The following POPDC2 variants were observed in gnomAD, a reference collection of about 807,000 sequenced individuals.
The protein encoded by POPDC2 is popeye domain-containing protein 2.
In POPDC2, 24 loss-of-function variants were observed where a neutral mutation model predicts 30.5. The ratio of observed to expected loss-of-function variants is 0.79; its 90% CI spans 0.57 to 1.11. The LOEUF (loss-of-function observed/expected upper bound fraction) is 1.11, where lower values mean the gene tolerates loss of function less well. Among genes scored for constraint, POPDC2 ranks in the 50% least tolerant of loss-of-function variants. The pLI, the probability that POPDC2 is intolerant of heterozygous loss-of-function variation, is 0.00. For synonymous variants in POPDC2, 185 were observed against 183.3 expected, an observed-to-expected ratio of 1.01 and a Z score of -0.07; for missense variants, 409 against 447.0, an observed-to-expected ratio of 0.91 and a Z score of 0.77.
chr3:119,654,202 A>G (rs1229944718), intron 2 of POPDC2, among the ~76,000 whole-genome samples: 1 of 152,110 alleles, frequency 6.6e-6, no homozygotes, highest in Non-Finnish European at 1.5e-5. Flanking sequence ...GCGACTAGAG[A>G]GCACTAAAAG....
chr3:119,658,802 C>T (rs1025580462), intron 1 of POPDC2, among the ~76,000 whole-genome samples: 10 of 152,006 alleles, frequency 6.6e-5, no homozygotes, highest in Admixed American at 1.3e-4. Context: ...ACTTCAGGTT[C>T]TATAAATGAA....
intron 2 of POPDC2, among the ~76,000 whole-genome samples, chr3:119,650,551 C>T (rs2052795972): frequency 6.6e-6 from 1 of 152,198 alleles, no homozygotes; most frequent in Admixed American, 6.5e-5. Context: ...ATATCTTCTT[C>T]ACTTGGTTCC....
Position 119,648,305 on chromosome 3 carries a change from G to A in POPDC2, c.964C>T (p.Pro322Ser), listed in dbSNP as rs761811299. 1 of 1,614,198 alleles carries A rather than the reference G, an allele frequency of 6.2e-7. No homozygotes were observed. The highest frequency in any genetic ancestry group is 1.7e-5 in the Admixed American group (1 of 60,024). ...TPPATTNFPA[P>S]PTRARLSRPD... ...CTGGACAACCTGGCCCGGGTAGGAG[G>A]TGCAGGAAAGTTGGTGGTAGCTGGA... The change falls in exon 3 of 4, where the codon CCT (proline) becomes TCT (serine). Residue 322 changes from proline to serine, a missense_variant. By Grantham distance (74) the Pro-to-Ser change is moderately conservative. Coordinates refer to ENST00000493094, the MANE Select transcript of POPDC2 (RefSeq NM_001369919.2).
At chr3:119,645,102 T>C (rs773092686) in intron 3 of POPDC2, among the ~76,000 whole-genome samples, 8 of 152,222 alleles carry the variant, frequency 5.3e-5, no homozygotes, top group Non-Finnish European at 1.0e-4. Flanking sequence ...GAAAAACTAT[T>C]CTCCCTATAT....
rs764063000 is a variant in POPDC2 at position 119,648,179 on chromosome 3, C to T, written c.1090G>A (p.Gly364Arg). 13 of 1,538,538 alleles carry T rather than the reference C, an allele frequency of 8.4e-6. No individual in the cohort carries two copies. Among genetic ancestry groups the T allele is most frequent in the Non-Finnish European group, 9.7e-6 (11 of 1,139,506 alleles). Residue 364 changes from glycine (G) to arginine (R), a missense_variant, in exon 3 of 4, where the codon GGG (glycine) becomes AGG (arginine). Physicochemically the swap from Gly to Arg is moderately radical, Grantham distance 125. Transcript: ENST00000493094. ...TTCTCCCTTCACCTCATGTACTCCC[C>T]ATCACTCCTATAATCCATAAACGAT... is the stretch of plus-strand genomic sequence containing the variant. ...SESFMDYRSD[G>R]EYMR is the part of the protein sequence containing the mutation.
chr3:119,660,643 T>C (rs950323568), upstream of POPDC2: 3 of 290,382 alleles, frequency 1.0e-5, no homozygotes, highest in Non-Finnish European at 1.2e-5. Context: ...TCTCTCTCTC[T>C]CTCTCCCCCT....
rs756624026 is a variant in POPDC2, at chr3:119,648,567, C to A, written c.702G>T (p.Ser234=). The part of the protein sequence containing the change: ...TKERYISCLF[S]ALLGYDISEK... ...CTGAGATGTCATATCCCAGCAGAGC[C>A]GAGAAGAGGCAGGAGATGTATCGCT... The change falls in exon 3 of 4, where the codon TCG becomes TCT. Residue 234 remains serine, a synonymous_variant. Coordinates refer to ENST00000493094, the MANE Select transcript of POPDC2 (RefSeq NM_001369919.2). The A allele has an allele frequency of 5.6e-6, 9 of 1,613,974 alleles. No homozygotes were observed. Among genetic ancestry groups the A allele is most frequent in the Non-Finnish European group, 7.6e-6 (9 of 1,179,994 alleles).
chr3:119,648,428 C>T lies in POPDC2; in HGVS notation c.841G>A (p.Glu281Lys), dbSNP rs772850930. 6.2e-7 allele frequency: 1 copy of T among 1,614,170 alleles called. No individual in the cohort carries two copies. Among genetic ancestry groups the T allele is most frequent in the East Asian group, 2.2e-5 (1 of 44,876 alleles). ...LGPTAADAGP[E>K]SEKGDEEVCE... The stretch of plus-strand genomic sequence containing the variant: ...ACTTCCTCATCACCCTTCTCGGACT[C>T]TGGTCCAGCATCTGCAGCAGTGGGA... The change falls in exon 3 of 4, where the codon GAG becomes AAG. Residue 281 changes from glutamate to lysine, a missense_variant. By Grantham distance (56) the Glu-to-Lys change is moderately conservative. Transcript: ENST00000493094.
At chr3:119,653,144 C>A (rs2052834884) in intron 2 of POPDC2, among the ~76,000 whole-genome samples, 1 of 152,142 alleles carries the variant, frequency 6.6e-6, no homozygotes, top group African/African-American at 2.4e-5. Flanking sequence ...TAGATCCAGG[C>A]AACTTGGCTT....
At chr3:119,652,279 T>C (rs1033542439) in intron 2 of POPDC2, among the ~76,000 whole-genome samples, 1 of 152,210 alleles carries the variant, frequency 6.6e-6, no homozygotes, top group African/African-American at 2.4e-5. Context: ...TGTGCTGGAA[T>C]GCTGATTGAT....
chr3:119,650,192 T>C (rs537518628), intron 2 of POPDC2, among the ~76,000 whole-genome samples: 2 of 152,236 alleles, frequency 1.3e-5, no homozygotes, highest in Admixed American at 6.5e-5. Flanking sequence ...AAATAATGTC[T>C]TAAAGCCAAA....
chr3:119,647,238 C>T (rs1482581956), intron 3 of POPDC2, among the ~76,000 whole-genome samples: 1 of 152,174 alleles, frequency 6.6e-6, no homozygotes, highest in Admixed American at 6.5e-5. Flanking sequence ...GAGGCGCCTT[C>T]CAAATTGGGA....
chr3:119,647,391 C>T (rs1318052076), intron 3 of POPDC2, among the ~76,000 whole-genome samples: 1 of 152,224 alleles, frequency 6.6e-6, no homozygotes, highest in African/African-American at 2.4e-5. Flanking sequence ...TTCTTGTAGA[C>T]TCTCTGGGAG....
At chr3:119,659,902 G>A in intron 1 of POPDC2, 31 bp downstream of exon 1, 1 of 1,540,392 alleles carries the variant, frequency 6.5e-7, no homozygotes, top group Middle Eastern at 1.8e-4. Context: ...GCTGGGGAAA[G>A]AAATTCTGGG....
At chr3:119,653,064 GTGTGTGTA>G (rs1418199435) in intron 2 of POPDC2, among the ~76,000 whole-genome samples, 7 of 143,824 alleles carry the variant, frequency 4.9e-5, no homozygotes, top group Admixed American at 2.9e-4. Context: ...GTGCATGTGT[GTGTGTGTA>G]TGTGTGTGTG....
intron 3 of POPDC2, among the ~76,000 whole-genome samples, chr3:119,644,785 A>G (rs1397049846): frequency 6.6e-6 from 1 of 152,208 alleles, no homozygotes; most frequent in African/African-American, 2.4e-5. Flanking sequence ...CAGGAAATAG[A>G]TGGTGAATGG....
rs777535510 is a variant in POPDC2 at position 119,642,580 on chromosome 3, G to A, written c.*44-19C>T. Reference sequence around the variant, plus strand: ...CTAGAAGCTGTGGAAAGAAAAAGAGGGAGGATTTTAGCACTATGTCTCTGG... The same window carrying A: ...CTAGAAGCTGTGGAAAGAAAAAGAGAGAGGATTTTAGCACTATGTCTCTGG... On this transcript the variant is annotated intron_variant, in intron 3 of 3. Coordinates refer to ENST00000493094, the MANE Select transcript of POPDC2 (RefSeq NM_001369919.2). The A allele has an allele frequency of 1.9e-6, 3 of 1,547,700 alleles. No homozygotes were observed. Among genetic ancestry groups the A allele is most frequent in the Non-Finnish European group, 1.8e-6 (2 of 1,119,968 alleles).
At chr3:119,651,633 C>T (rs1321303298) in intron 2 of POPDC2, among the ~76,000 whole-genome samples, 1 of 151,864 alleles carries the variant, frequency 6.6e-6, no homozygotes, top group Non-Finnish European at 1.5e-5. Flanking sequence ...TCACTTTCTT[C>T]CCCCACCCCA....
At chr3:119,642,620 T>G in intron 3 of POPDC2, 59 bp from the exon 4 acceptor site, 1 of 1,176,942 alleles carries the variant, frequency 8.5e-7, no homozygotes, top group Non-Finnish European at 1.3e-6. Flanking sequence ...TTTGTCTAAC[T>G]TCAAAGGGTT....
Sources: gnomAD v4.1 joint callset for allele counts (sites outside exome capture counted in the v4.1 genomes callset) on GRCh38, gnomAD v4.1.1 for gene constraint, MANE v1.5 for transcripts, NCBI Gene and HGNC (gene_info 2026-07-23, HGNC 2026-07-21) for gene names.